Variants in EGFR observed in about 807,000 individuals in gnomAD.
EGFR encodes avian erythroblastic leukemia viral (v-erb-b) oncogene homolog.
EGFR carries 58 observed loss-of-function variants against 143.0 expected under a neutral mutation model. The observed-to-expected ratio is 0.41, with a 90% CI of 0.33 to 0.50. The LOEUF is 0.50. EGFR is among the 20% of genes least tolerant of loss of function. The pLI, the probability that EGFR is intolerant of heterozygous loss-of-function variation, is 0.39. For missense variants in EGFR, 1,307 were observed against 1,579.0 expected (o/e 0.83, Z 2.92); for synonymous variants, 613 against 594.4 (o/e 1.03, Z -0.45).
In EGFR at chr7:55,181,355, C is replaced by A. The variant is rs1786864166; in HGVS notation, c.2346C>A (p.Leu782=). 1 of 1,614,116 alleles carries A rather than the reference C, an allele frequency of 6.2e-7. No individual in the cohort carries two copies. Among genetic ancestry groups the A allele is most frequent in the African/African-American group, 1.3e-5 (1 of 74,944 alleles). Residue 782 remains leucine (L), a synonymous_variant, in exon 20 of 28, where the codon CTC becomes CTA. Transcript: ENST00000275493. The part of the protein sequence containing the change: ...PHVCRLLGIC[L]TSTVQLITQL... ...TGTGCCGCCTGCTGGGCATCTGCCT[C>A]ACCTCCACCGTGCAGCTCATCACGC... is the stretch of plus-strand genomic sequence containing the variant.
intron 1 of EGFR, among the ~76,000 whole-genome samples, chr7:55,078,498 C>T (rs529159146): frequency 4.6e-5 from 7 of 152,338 alleles, no homozygotes; most frequent in African/African-American, 1.4e-4. Flanking sequence ...TATGTGCGTC[C>T]TCCTCCTTCC....
intron 11 of EGFR, among the ~76,000 whole-genome samples, chr7:55,158,166 G>A (rs569343522): frequency 6.6e-6 from 1 of 152,346 alleles, no homozygotes; most frequent in African/African-American, 2.4e-5. Context: ...GGATGCAATT[G>A]AGGTTATGCA....
At chr7:55,141,586 G>T (rs1794462658) in intron 1 of EGFR, among the ~76,000 whole-genome samples, 1 of 152,114 alleles carries the variant, frequency 6.6e-6, no homozygotes, top group South Asian at 2.1e-4. Flanking sequence ...TTTGATGTTT[G>T]TTATTTTCTG....
intron 1 of EGFR, among the ~76,000 whole-genome samples, chr7:55,046,460 T>G (rs1302805372): frequency 6.6e-6 from 1 of 152,104 alleles, no homozygotes. Context: ...TCACTGACCT[T>G]GTGTATGGGC....
rs908518996 is a variant in EGFR at position 55,083,073 on chromosome 7, T to A, written c.89-59213T>A. On this transcript the variant is annotated intron_variant, in intron 1 of 27. Coordinates refer to ENST00000275493, the MANE Select transcript of EGFR (RefSeq NM_005228.5). The stretch of plus-strand genomic sequence containing the variant: ...CCCATCACTGAATCAGGGCCCACTC[T>A]ATACCAGTAAGACCTCATTTCAACT... Among the ~76,000 whole-genome samples the A allele has an allele frequency of 5.9e-5, 9 of 152,376 alleles. No individual in the cohort carries two copies. The East Asian group carries it at 1.7e-3, about 29-fold the overall frequency.
intron 20 of EGFR, among the ~76,000 whole-genome samples, chr7:55,191,354 C>T (rs367816531): frequency 1.8e-4 from 28 of 152,126 alleles, no homozygotes; most frequent in East Asian, 1.2e-3. Flanking sequence ...GCATGGTCCC[C>T]GCCACCCCCC....
intron 1 of EGFR, among the ~76,000 whole-genome samples, chr7:55,075,379 T>A (rs1256047473): frequency 1.3e-5 from 2 of 152,170 alleles, no homozygotes; most frequent in Non-Finnish European, 1.5e-5. Flanking sequence ...CATGACAGAA[T>A]TTCCTGTTTT....
At chr7:55,083,049 C>A (rs1227109636) in intron 1 of EGFR, among the ~76,000 whole-genome samples, 1 of 148,130 alleles carries the variant, frequency 6.8e-6, no homozygotes, top group African/African-American at 2.7e-5. Flanking sequence ...ATGAGGACAC[C>A]CATCACTGAA....
rs1790444254 is a variant in EGFR at position 55,081,211 on chromosome 7, T to C, written c.89-61075T>C. ...GGTTCCTTGCAGATCAGAATGGAAA[T>C]GATTAACAGGGCAATTATCAATCAT... On this transcript the variant is annotated intron_variant, in intron 1 of 27. Transcript: ENST00000275493. Among the ~76,000 whole-genome samples, 3 of 152,196 alleles carry C rather than the reference T, an allele frequency of 2.0e-5. No individual in the cohort carries two copies. In the South Asian group the frequency reaches 6.2e-4, roughly 32 times the overall value.
At chr7:55,159,130 C>T (rs1246497577) in intron 11 of EGFR, among the ~76,000 whole-genome samples, 1 of 152,174 alleles carries the variant, frequency 6.6e-6, no homozygotes, top group East Asian at 1.9e-4. Flanking sequence ...GCTCCCTCCC[C>T]AAACCAGCCC....
At chr7:55,175,894 C>A (rs1786570915) in intron 19 of EGFR, among the ~76,000 whole-genome samples, 1 of 152,076 alleles carries the variant, frequency 6.6e-6, no homozygotes, top group Non-Finnish European at 1.5e-5. Flanking sequence ...TAGGGGAAAT[C>A]CCATGTTGAT....
At position 55,174,697 on chromosome 7, in the gene EGFR, C is replaced by T. The variant is rs1315791197; in HGVS notation, c.2185-25C>T. On this transcript the variant is annotated intron_variant, in intron 18 of 27. Coordinates refer to ENST00000275493, the MANE Select transcript of EGFR (RefSeq NM_005228.5). ...GCACCATCTCACAATTGCCAGTTAA[C>T]GTCTTCCTTCTCTCTCTGTCATAGG... 3.8e-6 allele frequency: 6 copies of T among 1,588,596 alleles called. No homozygotes were observed. The Admixed American group carries it at 5.0e-5, about 13-fold the overall frequency.
At chr7:55,032,889 C>T (rs1583870319) in intron 1 of EGFR, among the ~76,000 whole-genome samples, 1 of 152,256 alleles carries the variant, frequency 6.6e-6, no homozygotes, top group African/African-American at 2.4e-5. Context: ...AATTTACTAC[C>T]TTTGCAGGGT....
At chr7:55,174,130 T>A in intron 18 of EGFR, 87 bp downstream of exon 18, 1 of 1,567,734 alleles carries the variant, frequency 6.4e-7, no homozygotes. Context: ...AAGCTGTATA[T>A]TTCCATCATC....
chr7:55,077,503 AGT>A (rs1217556833), intron 1 of EGFR, among the ~76,000 whole-genome samples: 1 of 151,786 alleles, frequency 6.6e-6, no homozygotes, highest in Non-Finnish European at 1.5e-5. Flanking sequence ...GACAGTGAAA[AGT>A]GTGTGTGTGT....
At chr7:55,201,146 T>A (rs2128971371) in intron 24 of EGFR, 42 bp from the exon 25 acceptor site, 1 of 1,613,724 alleles carries the variant, frequency 6.2e-7, no homozygotes, top group Admixed American at 1.7e-5. Flanking sequence ...TGGAATAGCA[T>A]CTCTACGGGC....
In EGFR at chr7:55,165,366, C is replaced by A. The variant is rs769537072; in HGVS notation, c.1809C>A (p.Asn603Lys). 2.5e-6 allele frequency: 4 copies of A among 1,614,112 alleles called. No individual in the cohort carries two copies. The highest frequency in any genetic ancestry group is 3.4e-6 in the Non-Finnish European group (4 of 1,180,060). ...KTCPAGVMGE[N>K]NTLVWKYADA... ...GCCCGGCAGGAGTCATGGGAGAAAACAACACCCTGGTCTGGAAGTACGCAG... is the reference window on the plus strand; with the variant it reads ...GCCCGGCAGGAGTCATGGGAGAAAAAAACACCCTGGTCTGGAAGTACGCAG... Residue 603 changes from asparagine to lysine, a missense_variant, in exon 15 of 28, where the codon AAC (asparagine) becomes AAA (lysine). Physicochemically the swap from Asn to Lys is moderately conservative, Grantham distance 94. Transcript: ENST00000275493.
At chr7:55,170,253 C>T (rs1277951438) in intron 15 of EGFR, 1 of 1,613,348 alleles carries the variant, frequency 6.2e-7, no homozygotes, top group African/African-American at 1.3e-5. Context: ...AGTGTTACAC[C>T]AGGGCTCCCC....
rs1459631113 is a variant in EGFR at position 55,201,758 on chromosome 7, C to T, written c.3138C>T (p.Thr1046=). The T allele has an allele frequency of 2.7e-5, 44 of 1,614,054 alleles. 1 individual carries two copies. The highest frequency in any genetic ancestry group is 5.5e-5 in the South Asian group (5 of 91,078). The change falls in exon 26 of 28, where the codon ACC becomes ACT. Residue 1046 remains threonine (T), a synonymous_variant. Transcript: ENST00000275493. ...SSLSATSNNS[T]VACIDRNGLQ... ...AGAGTGCAACCAGCAACAATTCCACCGTGGCTTGCATTGATAGAAATGGGG... is the reference window on the plus strand; with the variant it reads ...AGAGTGCAACCAGCAACAATTCCACTGTGGCTTGCATTGATAGAAATGGGG...
Sources: gnomAD v4.1 joint callset for allele counts (sites outside exome capture counted in the v4.1 genomes callset) on GRCh38, gnomAD v4.1.1 for gene constraint, MANE v1.5 for transcripts, NCBI Gene and HGNC (gene_info 2026-07-23, HGNC 2026-07-21) for gene names.